Variants in CYP7B1 observed in about 807,000 individuals in gnomAD.
CYP7B1 encodes cytochrome P450 7B1.
In CYP7B1, 29 loss-of-function variants were observed where a neutral mutation model predicts 42.7. The observed-to-expected ratio is 0.68, with a 90% CI of 0.51 to 0.93. The LOEUF (loss-of-function observed/expected upper bound fraction) is 0.93. CYP7B1 is among the 40% of genes least tolerant of loss of function. CYP7B1 has a pLI of 0.00. For missense variants in CYP7B1, 655 were observed against 600.5 expected, an observed-to-expected ratio of 1.09 and a Z score of -0.95; for synonymous variants, 235 against 218.2, an observed-to-expected ratio of 1.08 and a Z score of -0.68.
chr8:64,638,827 G>A (rs1191269924), intron 1 of CYP7B1, among the ~76,000 whole-genome samples: 2 of 150,486 alleles, frequency 1.3e-5, no homozygotes, highest in Non-Finnish European at 3.0e-5. Context: ...TTTTGTGTAT[G>A]TGTGTGTGTG....
intron 1 of CYP7B1, among the ~76,000 whole-genome samples, chr8:64,640,289 T>C (rs1805833684): frequency 6.6e-6 from 1 of 152,152 alleles, no homozygotes; most frequent in South Asian, 2.1e-4. Flanking sequence ...TCATGGTATA[T>C]AAATTATATC....
chr8:64,676,332 G>A (rs1020393780), intron 1 of CYP7B1, among the ~76,000 whole-genome samples: 3 of 152,110 alleles, frequency 2.0e-5, no homozygotes, highest in Admixed American at 1.3e-4. Context: ...ACCATCTTAC[G>A]CGTTAGCACA....
chr8:64,643,184 T>TATATATAC (rs1563374425), intron 1 of CYP7B1, among the ~76,000 whole-genome samples: 19 of 38,210 alleles, frequency 5.0e-4, no homozygotes, highest in Non-Finnish European at 9.4e-4. Context: ...TATATATACA[T>TATATATAC]ATATATATAC....
intron 2 of CYP7B1, among the ~76,000 whole-genome samples, chr8:64,621,720 T>C (rs1585812345): frequency 6.6e-6 from 1 of 150,966 alleles, no homozygotes; most frequent in Non-Finnish European, 1.5e-5. Context: ...TTTTCTGAAA[T>C]CAGAATGCAT....
At chr8:64,784,618 C>T (rs974080413) in intron 1 of CYP7B1, among the ~76,000 whole-genome samples, 2 of 152,080 alleles carry the variant, frequency 1.3e-5, no homozygotes, top group African/African-American at 4.8e-5. Context: ...TTCAGGATAA[C>T]AAAATGAGTA....
chr8:64,777,219 G>C (rs1804341320), intron 1 of CYP7B1, among the ~76,000 whole-genome samples: 1 of 149,222 alleles, frequency 6.7e-6, no homozygotes, highest in Non-Finnish European at 1.5e-5. Flanking sequence ...AAATACAAAA[G>C]GTGAGTAAGC....
chr8:64,612,265 A>AT (rs999163009), intron 4 of CYP7B1, among the ~76,000 whole-genome samples: 2 of 151,992 alleles, frequency 1.3e-5, no homozygotes, highest in Non-Finnish European at 2.9e-5. Context: ...TCTATCAGCA[A>AT]TTTTTTTCCT....
At chr8:64,756,240 T>C (rs1807806974) in intron 1 of CYP7B1, among the ~76,000 whole-genome samples, 1 of 152,188 alleles carries the variant, frequency 6.6e-6, no homozygotes, top group Non-Finnish European at 1.5e-5. Flanking sequence ...GGGTTTTATG[T>C]CCAATGAGAT....
intron 1 of CYP7B1, among the ~76,000 whole-genome samples, chr8:64,712,211 A>T (rs927450357): frequency 6.6e-6 from 1 of 152,204 alleles, no homozygotes; most frequent in Admixed American, 6.5e-5. Flanking sequence ...CTAAAAAAGG[A>T]AGTCAATTTG....
intron 5 of CYP7B1, among the ~76,000 whole-genome samples, chr8:64,603,392 C>T (rs1326528163): frequency 1.3e-5 from 2 of 152,052 alleles, no homozygotes; most frequent in African/African-American, 2.4e-5. Context: ...TTCTTGATAA[C>T]ACTAATGTTG....
intron 1 of CYP7B1, among the ~76,000 whole-genome samples, chr8:64,747,439 G>A (rs1188759297): frequency 6.6e-6 from 1 of 151,166 alleles, no homozygotes; most frequent in Non-Finnish European, 1.5e-5. Flanking sequence ...GCATACTGTT[G>A]ACCAAAAGCC....
intron 1 of CYP7B1, among the ~76,000 whole-genome samples, chr8:64,699,420 C>T (rs887663052): frequency 1.3e-5 from 2 of 151,814 alleles, no homozygotes; most frequent in African/African-American, 4.8e-5. Context: ...TATGATCATC[C>T]AAATGTTCCA....
At chr8:64,737,308 A>G (rs1229682860) in intron 1 of CYP7B1, among the ~76,000 whole-genome samples, 2 of 152,234 alleles carry the variant, frequency 1.3e-5, no homozygotes, top group African/African-American at 4.8e-5. Flanking sequence ...AAAAATGTAC[A>G]TAATTCTTGT....
intron 1 of CYP7B1, among the ~76,000 whole-genome samples, chr8:64,782,295 G>A (rs1273783202): frequency 1.3e-5 from 2 of 152,150 alleles, no homozygotes; most frequent in Non-Finnish European, 2.9e-5. Flanking sequence ...GTAACAGAAG[G>A]TGGGGCCTTG....
chr8:64,749,880 G>A (rs534084817), intron 1 of CYP7B1, among the ~76,000 whole-genome samples: 4 of 152,218 alleles, frequency 2.6e-5, no homozygotes, highest in African/African-American at 9.6e-5. Context: ...AATATGATAC[G>A]GGAGTTGGAA....
intron 1 of CYP7B1, among the ~76,000 whole-genome samples, chr8:64,711,136 T>C (rs1404675799): frequency 1.3e-5 from 2 of 152,164 alleles, no homozygotes; most frequent in Non-Finnish European, 2.9e-5. Context: ...TTCAAATCTC[T>C]CAAAGTTTAA....
intron 1 of CYP7B1, among the ~76,000 whole-genome samples, chr8:64,781,543 T>C (rs1487742051): frequency 2.0e-5 from 3 of 152,072 alleles, no homozygotes; most frequent in Non-Finnish European, 4.4e-5. Context: ...GCTCAGGAAA[T>C]ACTTCATCCA....
At chr8:64,686,890 C>T (rs1487787887) in intron 1 of CYP7B1, among the ~76,000 whole-genome samples, 2 of 96,826 alleles carry the variant, frequency 2.1e-5, no homozygotes, top group African/African-American at 4.3e-5. Context: ...GGATTAAGGG[C>T]GGTGCAAGAT....
chr8:64,632,624 G>A (rs1466386363), intron 1 of CYP7B1, among the ~76,000 whole-genome samples: 1 of 151,838 alleles, frequency 6.6e-6, no homozygotes, highest in African/African-American at 2.4e-5. Flanking sequence ...ATCAACCAAT[G>A]TAAAAAAAAA....
Sources: allele counts gnomAD v4.1 joint callset (sites outside exome capture counted in the v4.1 genomes callset), GRCh38; gene constraint gnomAD v4.1.1; transcripts MANE v1.5; gene names NCBI Gene and HGNC (gene_info 2026-07-23, HGNC 2026-07-21).